Variants in SEMA5A observed in about 807,000 individuals in gnomAD.
SEMA5A encodes semaphorin 5A, also known as semaphorin-5A.
A neutral mutation model predicts 135.5 loss-of-function variants in SEMA5A; 55 were observed. The ratio of observed to expected loss-of-function variants is 0.41; its 90% CI spans 0.33 to 0.51. The LOEUF (loss-of-function observed/expected upper bound fraction) is 0.51. Among genes scored for constraint, SEMA5A ranks in the 20% least tolerant of loss-of-function variants. The probability of loss-of-function intolerance (pLI) is 0.37; values close to 1 mark genes in which losing one functional copy is unlikely to be tolerated. For synonymous variants in SEMA5A, 580 were observed against 546.5 expected, an observed-to-expected ratio of 1.06 and a Z score of -0.85; for missense variants, 1,290 against 1,419.9, an observed-to-expected ratio of 0.91 and a Z score of 1.47.
At chr5:9,501,145 T>C (rs1416365982) in intron 1 of SEMA5A, among the ~76,000 whole-genome samples, 1 of 152,240 alleles carries the variant, frequency 6.6e-6, no homozygotes, top group Admixed American at 6.5e-5. Context: ...AAATGGCTTT[T>C]ATCCAATTAA....
rs549541832 is a variant in SEMA5A, at chr5:9,037,427, C to T, written c.*5470G>A. ...CCCTATGTCGCTTGCAATGTGAACT[C>T]TATTTTCAAAAGTGGATAGGATTCC... On this transcript the variant is annotated 3_prime_UTR_variant, in exon 23 of 23. Transcript: ENST00000382496. 32 of 152,304 alleles carry T rather than the reference C, an allele frequency of 2.1e-4. No individual in the cohort carries two copies. Among genetic ancestry groups the T allele is most frequent in the African/African-American group, 6.7e-4 (28 of 41,560 alleles). 9.4% of individuals were successfully genotyped at this position (152,304 alleles called of 1,614,324 possible).
At chr5:9,110,406 A>C (rs1381654455) in intron 15 of SEMA5A, among the ~76,000 whole-genome samples, 1 of 152,332 alleles carries the variant, frequency 6.6e-6, no homozygotes, top group African/African-American at 2.4e-5. Flanking sequence ...GAGCCCATAG[A>C]ACAAACAGCA....
rs541336233 is a variant in SEMA5A, at chr5:9,219,333, G to A, written c.646+5341C>T. Among the ~76,000 whole-genome samples, 19 of 152,318 alleles carry A rather than the reference G, an allele frequency of 1.2e-4. 2 individuals are homozygous for A. Among genetic ancestry groups the A allele is most frequent in the South Asian group, 1.2e-3 (6 of 4,828 alleles). Reference sequence around the variant, plus strand: ...ACCTGGGGTTGAGTGGGTCTGGAAAGAGAGGGAAGGAGTTGGCTGAGATTT... The same window carrying A: ...ACCTGGGGTTGAGTGGGTCTGGAAAAAGAGGGAAGGAGTTGGCTGAGATTT... On this transcript the variant is annotated intron_variant, in intron 8 of 22. Transcript: ENST00000382496.
At chr5:9,276,542 G>A (rs11952375) in intron 5 of SEMA5A, among the ~76,000 whole-genome samples, 54,640 of 151,934 alleles carry the variant, frequency 0.36, 10,451 homozygotes, top group East Asian at 0.47. Context: ...AGGCAACACT[G>A]GAGTTACCTG....
intron 1 of SEMA5A, among the ~76,000 whole-genome samples, chr5:9,515,072 C>T (rs1390429119): frequency 6.6e-6 from 1 of 152,182 alleles, no homozygotes; most frequent in African/African-American, 2.4e-5. Context: ...CATAGCCTAG[C>T]CTAGCCTATT....
intron 17 of SEMA5A, 80 bp downstream of exon 17, chr5:9,066,341 C>T: frequency 7.4e-7 from 1 of 1,357,070 alleles, no homozygotes; most frequent in Non-Finnish European, 1.1e-6. Context: ...GAAAATGCCC[C>T]CTTGCTGTTT....
At position 9,197,213 on chromosome 5, in the gene SEMA5A, C is replaced by T. The variant is rs373379909; in HGVS notation, c.1023G>A (p.Ser341=). 145 of 1,614,054 alleles carry T rather than the reference C, an allele frequency of 9.0e-5. No individual in the cohort carries two copies. The highest frequency in any genetic ancestry group is 1.0e-4 in the Non-Finnish European group (121 of 1,180,040). The change falls in exon 10 of 23, where the codon TCG becomes TCA. Residue 341 remains serine (S), a synonymous_variant. Transcript: ENST00000382496. ...FSGPFKYQEN[S]RSAWLPYPNP... is the part of the protein sequence containing the mutation. ...TGGGATACGGTAGCCAGGCCGAGCG[C>T]GAGTTTTCTTGGTACTTGAAGGGCC...
intron 2 of SEMA5A, among the ~76,000 whole-genome samples, chr5:9,409,724 C>T (rs1757031689): frequency 6.6e-6 from 1 of 152,196 alleles, no homozygotes; most frequent in Non-Finnish European, 1.5e-5. Context: ...ATTAAATGAA[C>T]CTGGCCACAG....
chr5:9,153,646 G>A (rs995460690), intron 12 of SEMA5A, among the ~76,000 whole-genome samples: 6 of 152,108 alleles, frequency 3.9e-5, no homozygotes, highest in South Asian at 2.1e-4. Flanking sequence ...TGCCACTGCA[G>A]CAACATCAAC....
intron 5 of SEMA5A, among the ~76,000 whole-genome samples, chr5:9,296,884 T>C (rs1368531212): frequency 9.2e-6 from 1 of 108,132 alleles, no homozygotes; most frequent in African/African-American, 3.1e-5. Context: ...TGAGACATTA[T>C]GCTCCAAACT....
At chr5:9,106,676 C>A (rs892192869) in intron 16 of SEMA5A, among the ~76,000 whole-genome samples, 3 of 152,146 alleles carry the variant, frequency 2.0e-5, no homozygotes, top group African/African-American at 7.2e-5. Context: ...ACAAAGTTAT[C>A]CCATTTGAAT....
intron 17 of SEMA5A, among the ~76,000 whole-genome samples, chr5:9,064,916 C>G (rs1737382010): frequency 6.6e-6 from 1 of 152,196 alleles, no homozygotes; most frequent in African/African-American, 2.4e-5. Flanking sequence ...GTCACAAGAT[C>G]ATCCTTTATA....
At chr5:9,190,135 C>T (rs1195459151) in intron 11 of SEMA5A, 132 bp downstream of exon 11, 26 of 825,702 alleles carry the variant, frequency 3.1e-5, no homozygotes, top group African/African-American at 5.1e-5. Context: ...GTGAGCATCG[C>T]GGGTTTTGCT....
chr5:9,443,078 C>T (rs916782881), intron 1 of SEMA5A, among the ~76,000 whole-genome samples: 25 of 152,222 alleles, frequency 1.6e-4, no homozygotes, highest in African/African-American at 5.3e-4. Flanking sequence ...GCAACCCTTT[C>T]TGTCACTGTC....
intron 11 of SEMA5A, among the ~76,000 whole-genome samples, chr5:9,178,863 C>T (rs1195155137): frequency 6.6e-6 from 1 of 152,170 alleles, no homozygotes; most frequent in Admixed American, 6.5e-5. Context: ...AGTGGGTCTT[C>T]TCATAACTGA....
chr5:9,403,587 ATC>A (rs1756756144), intron 2 of SEMA5A, among the ~76,000 whole-genome samples: 1 of 152,160 alleles, frequency 6.6e-6, no homozygotes, highest in Non-Finnish European at 1.5e-5. Context: ...TCCATGCATC[ATC>A]TCACACTGAC....
At chr5:9,053,693 T>C (rs968047308) in intron 19 of SEMA5A, 1 of 158,032 alleles carries the variant, frequency 6.3e-6, no homozygotes, top group African/African-American at 2.4e-5. Context: ...TTTCCCACCT[T>C]TCCTTGGACT....
intron 1 of SEMA5A, among the ~76,000 whole-genome samples, chr5:9,469,302 C>T (rs1209538202): frequency 4.6e-5 from 7 of 152,120 alleles, no homozygotes; most frequent in South Asian, 2.1e-4. Context: ...CCACCACACC[C>T]GGCCAGCAAT....
intron 1 of SEMA5A, among the ~76,000 whole-genome samples, chr5:9,473,383 T>TAAAAG (rs1759550203): frequency 1.3e-5 from 1 of 79,704 alleles, no homozygotes; most frequent in African/African-American, 5.1e-5. Context: ...CAATCAGTGG[T>TAAAAG]AAAAAAAAAA....
Sources: allele counts gnomAD v4.1 joint callset (sites outside exome capture counted in the v4.1 genomes callset), GRCh38; gene constraint gnomAD v4.1.1; transcripts MANE v1.5; gene names NCBI Gene and HGNC (gene_info 2026-07-23, HGNC 2026-07-21).